Variants in PRLR observed in about 807,000 individuals in gnomAD.
PRLR encodes prolactin receptor.
PRLR carries 13 observed loss-of-function variants against 40.2 expected under a neutral mutation model. That is an observed-to-expected ratio of 0.32 (90% CI 0.21 to 0.51). The LOEUF (loss-of-function observed/expected upper bound fraction) is 0.51. Ranked by LOEUF, PRLR falls within the 20% of genes least tolerant of loss-of-function variation. PRLR has a pLI of 0.97. For synonymous variants in PRLR, 269 were observed against 278.7 expected, an observed-to-expected ratio of 0.97 and a Z score of 0.35; for missense variants, 656 against 747.3, an observed-to-expected ratio of 0.88 and a Z score of 1.42.
chr5:35,106,534 C>T (rs1377691331), intron 2 of PRLR, among the ~76,000 whole-genome samples: 4 of 152,118 alleles, frequency 2.6e-5, no homozygotes, highest in Admixed American at 1.3e-4. Context: ...GGAGGAAGAT[C>T]TACCAAGCAA....
intron 2 of PRLR, among the ~76,000 whole-genome samples, chr5:35,092,023 T>G (rs573403223): frequency 6.6e-6 from 1 of 152,260 alleles, no homozygotes; most frequent in Admixed American, 6.5e-5. Context: ...TCCATGCGTT[T>G]TGCAAAAGAA....
At chr5:35,165,749 C>T (rs1358367812) in intron 1 of PRLR, among the ~76,000 whole-genome samples, 1 of 152,084 alleles carries the variant, frequency 6.6e-6, no homozygotes, top group Non-Finnish European at 1.5e-5. Context: ...GAATTATATG[C>T]CAGGGATAGT....
At chr5:35,049,937 C>T (rs959289281) in intron 8 of PRLR, among the ~76,000 whole-genome samples, 23 of 124,154 alleles carry the variant, frequency 1.9e-4, no homozygotes, top group African/African-American at 6.7e-4. Context: ...GACAGAGTTT[C>T]GCACTTGTTG....
Position 35,119,392 on chromosome 5 carries a change from A to T in PRLR, c.-105-1270T>A, listed in dbSNP as rs1057492087. ...CAACCTCTCTCTCTCTCTCTCACAC[A>T]CACACACACACACACACACACACCA... On this transcript the variant is annotated intron_variant, in intron 1 of 9. Transcript: ENST00000618457. 5.6e-3 allele frequency among the ~76,000 whole-genome samples: 846 copies of T among 151,356 alleles called. 6 individuals carry two copies. The highest frequency in any genetic ancestry group is 0.02 in the African/African-American group (814 of 41,072).
At chr5:35,167,661 A>C (rs955631400) in intron 1 of PRLR, among the ~76,000 whole-genome samples, 1 of 152,096 alleles carries the variant, frequency 6.6e-6, no homozygotes, top group African/African-American at 2.4e-5. Context: ...TGTAGAATTA[A>C]AACGCATACA....
At chr5:35,178,860 T>C (rs1032208612) in intron 1 of PRLR, among the ~76,000 whole-genome samples, 4 of 152,354 alleles carry the variant, frequency 2.6e-5, no homozygotes, top group Middle Eastern at 3.4e-3. Flanking sequence ...ATTCTATCTG[T>C]GTAAATACAG....
At chr5:35,177,267 T>A (rs888524032) in intron 1 of PRLR, among the ~76,000 whole-genome samples, 3 of 152,122 alleles carry the variant, frequency 2.0e-5, no homozygotes, top group Non-Finnish European at 4.4e-5. Context: ...TCTCTATACT[T>A]TGTCTCTGTG....
At position 35,153,284 on chromosome 5, in the gene PRLR, GA is replaced by G. The variant is rs558601627; in HGVS notation, c.-105-35163del. The stretch of plus-strand genomic sequence containing the variant: ...TTTGCTTCTTGATAACTTGCTGAGA[GA>G]ACTACAATTTGGATTCTAGGTGAAG... On this transcript the variant is annotated intron_variant, in intron 1 of 9. Transcript: ENST00000618457. 2.1e-3 allele frequency among the ~76,000 whole-genome samples: 316 copies of G among 152,324 alleles called. 2 individuals carry two copies. Among genetic ancestry groups the G allele is most frequent in the Non-Finnish European group, 3.6e-3 (243 of 68,022 alleles).
chr5:35,049,087 G>T, exon 9 of PRLR: 3 of 680,354 alleles, frequency 4.4e-6, no homozygotes, highest in Admixed American at 4.1e-5. Flanking sequence ...TTTTGTGTGG[G>T]TTTCCAGCTC....
chr5:35,077,631 A>T (rs1481145149), intron 5 of PRLR, among the ~76,000 whole-genome samples: 2 of 152,202 alleles, frequency 1.3e-5, no homozygotes, highest in Non-Finnish European at 2.9e-5. Context: ...CACTGTCAAC[A>T]TTAGACAGAT....
chr5:35,217,545 C>T (rs1312953492), intron 1 of PRLR, among the ~76,000 whole-genome samples: 4 of 152,078 alleles, frequency 2.6e-5, no homozygotes, highest in Admixed American at 6.5e-5. Context: ...CTGTAGGCTC[C>T]GGCTTCACAC....
chr5:35,089,436 C>G, intron 3 of PRLR, 115 bp downstream of exon 3: 1 of 746,054 alleles, frequency 1.3e-6, no homozygotes, highest in Admixed American at 2.3e-5. Context: ...AACAGCAGCA[C>G]ATAACACAGC....
At chr5:35,162,158 C>T (rs779601014) in intron 1 of PRLR, among the ~76,000 whole-genome samples, 2 of 152,158 alleles carry the variant, frequency 1.3e-5, no homozygotes, top group African/African-American at 2.4e-5. Flanking sequence ...TTATCCTTTC[C>T]AGTAACAAAA....
chr5:35,224,888 A>G (rs1314796353), intron 1 of PRLR, among the ~76,000 whole-genome samples: 1 of 149,420 alleles, frequency 6.7e-6, no homozygotes, highest in Non-Finnish European at 1.5e-5. Context: ...TCTTTATTTC[A>G]TTGACATATT....
At chr5:35,210,486 A>T (rs1327407087) in intron 1 of PRLR, among the ~76,000 whole-genome samples, 2 of 152,202 alleles carry the variant, frequency 1.3e-5, no homozygotes, top group Non-Finnish European at 2.9e-5. Context: ...AATTCATGCA[A>T]ACTTTTCTCA....
At chr5:35,135,636 A>C (rs1469631880) in intron 1 of PRLR, among the ~76,000 whole-genome samples, 5 of 152,184 alleles carry the variant, frequency 3.3e-5, no homozygotes, top group Non-Finnish European at 7.4e-5. Context: ...CTGGAGTTTC[A>C]GATTGACTCC....
At chr5:35,084,911 C>T (rs188471196) in intron 4 of PRLR, among the ~76,000 whole-genome samples, 60 of 150,304 alleles carry the variant, frequency 4.0e-4, no homozygotes, top group African/African-American at 1.4e-3. Flanking sequence ...GCTCGGGGAC[C>T]TATATTCCCT....
intron 1 of PRLR, among the ~76,000 whole-genome samples, chr5:35,213,579 A>G (rs1312860485): frequency 6.6e-6 from 1 of 152,128 alleles, no homozygotes; most frequent in African/African-American, 2.4e-5. Flanking sequence ...TTTCCTTTCT[A>G]TACCACTAAT....
At chr5:35,137,348 C>T (rs1483167201) in intron 1 of PRLR, among the ~76,000 whole-genome samples, 1 of 152,032 alleles carries the variant, frequency 6.6e-6, no homozygotes, top group Non-Finnish European at 1.5e-5. Context: ...ACTTTCATTA[C>T]CTTATAGAAA....
Sources: allele counts gnomAD v4.1 joint callset (sites outside exome capture counted in the v4.1 genomes callset), GRCh38; gene constraint gnomAD v4.1.1; transcripts MANE v1.5; gene names NCBI Gene and HGNC (gene_info 2026-07-23, HGNC 2026-07-21).